TASOR2: variants seen among roughly 807,000 people sequenced by gnomAD.
TASOR2 encodes the protein transcription activation suppressor family member 2, also known as protein TASOR 2.
In TASOR2, 84 loss-of-function variants were observed where a neutral mutation model predicts 199.5. The observed-to-expected ratio is 0.42, with a 90% confidence interval of 0.35 to 0.50. The LOEUF is 0.50. TASOR2 is among the 20% of genes least tolerant of loss of function. TASOR2 has a pLI of 0.02. For synonymous variants in TASOR2, 1,103 were observed against 1,046.6 expected (o/e 1.05, Z -1.04); for missense variants, 2,796 against 2,835.9 (o/e 0.99, Z 0.32).
exon 15 of TASOR2, chr10:5,746,996 G>T (rs1163252554): frequency 3.1e-6 from 5 of 1,613,978 alleles, no homozygotes; most frequent in Middle Eastern, 1.6e-4. Flanking sequence ...AGTCTCCTCG[G>T]CCTATCTTCA....
chr10:5,706,236 A>G lies in TASOR2; in HGVS notation c.-287-6587A>G, dbSNP rs1838586225. Among the ~76,000 whole-genome samples, 1 of 152,106 alleles carries G rather than the reference A, an allele frequency of 6.6e-6. No homozygotes were observed. The highest frequency in any genetic ancestry group is 1.5e-5 in the Non-Finnish European group (1 of 68,016). On this transcript the variant is annotated intron_variant, in intron 1 of 20. Transcript: ENST00000328090. The surrounding 1 kb of genome is among the most constrained non-coding windows in gnomAD (Gnocchi z 4.8). ...TTTGTATCATTACCACCTTGTCTTGACTACTTTAGCTTTGTAGTAATTCTC... is the reference window on the plus strand; with the variant it reads ...TTTGTATCATTACCACCTTGTCTTGGCTACTTTAGCTTTGTAGTAATTCTC...
intron 18 of TASOR2, among the ~76,000 whole-genome samples, chr10:5,760,347 T>C (rs1839622159): frequency 6.6e-6 from 1 of 152,210 alleles, no homozygotes; most frequent in African/African-American, 2.4e-5. Flanking sequence ...GGCGCTGCAG[T>C]ATGCTCTTCA....
rs1286153554 is a variant in TASOR2, at chr10:5,746,333, C to T, written c.2912C>T (p.Thr971Ile). The T allele has an allele frequency of 1.9e-6, 3 of 1,614,110 alleles. No individual in the cohort carries two copies. In the African/African-American group the frequency reaches 4.0e-5, roughly 22 times the overall value. ...ACAAGAGTGGCTTCTTACAGTGGCA[C>T]TGTTACTCAAGCCACATTCACCAGG... is the stretch of plus-strand genomic sequence containing the variant. Residue 971 changes from threonine to isoleucine, a missense_variant, in exon 15 of 21, where the codon ACT (threonine) becomes ATT (isoleucine). By Grantham distance (89) the Thr-to-Ile change is moderately conservative. Coordinates refer to ENST00000328090, the Ensembl canonical transcript of TASOR2.
At chr10:5,721,040 C>T (rs1202226944) in intron 6 of TASOR2, 70 bp downstream of exon 7, 12 of 1,210,248 alleles carry the variant, frequency 9.9e-6, no homozygotes, top group Non-Finnish European at 1.4e-5. Flanking sequence ...TTCCTCACCT[C>T]ATTTCAAGGG....
intron 8 of TASOR2, among the ~76,000 whole-genome samples, chr10:5,725,213 CATG>C (rs771827037): frequency 2.3e-4 from 35 of 151,880 alleles, no homozygotes; most frequent in Non-Finnish European, 4.1e-4. Flanking sequence ...TCCTGACTAA[CATG>C]GTGAAACCCT....
chr10:5,732,216 TTG>T (rs1257239261), intron 11 of TASOR2, among the ~76,000 whole-genome samples: 2 of 152,348 alleles, frequency 1.3e-5, no homozygotes, highest in East Asian at 3.9e-4. Context: ...TCATCTCAAA[TTG>T]TGTTTTACTC....
intron 14 of TASOR2, among the ~76,000 whole-genome samples, chr10:5,743,075 A>G (rs1218926054): frequency 6.6e-6 from 1 of 152,238 alleles, no homozygotes; most frequent in Non-Finnish European, 1.5e-5. Context: ...CTGACATTCA[A>G]CCAGGCCAGA....
chr10:5,741,108 CT>C (rs1836358626), intron 13 of TASOR2, among the ~76,000 whole-genome samples: 2 of 152,206 alleles, frequency 1.3e-5, no homozygotes, highest in South Asian at 4.1e-4. Context: ...GTGTGTGCTG[CT>C]CATCTAGAGA....
chr10:5,749,074 T>G (rs1295636933), exon 15 of TASOR2: 1 of 1,614,092 alleles, frequency 6.2e-7, no homozygotes, highest in Admixed American at 1.7e-5. Flanking sequence ...CTGCTCTAGC[T>G]GGGTTCCAGG....
intron 1 of TASOR2, among the ~76,000 whole-genome samples, chr10:5,694,356 T>A (rs1836880248): frequency 6.6e-6 from 1 of 152,216 alleles, no homozygotes; most frequent in Non-Finnish European, 1.5e-5. Context: ...AATTGATTAA[T>A]TTGTTAAGTA....
Position 5,730,971 on chromosome 10 carries a change from G to A in TASOR2, c.972G>A (p.Lys324=). Residue 324 remains lysine, a synonymous_variant, in exon 11 of 21, where the codon AAG becomes AAA. Coordinates refer to ENST00000328090, the Ensembl canonical transcript of TASOR2. The surrounding 1 kb of genome is among the most constrained non-coding windows in gnomAD (Gnocchi z 4.1). ...TGAGAAAAGAAACTGAAACAAAAAA[G>A]GATTCTGAAGAAATGTTGAAAGCAA... is the stretch of plus-strand genomic sequence containing the variant. 2 of 1,614,030 alleles carry A rather than the reference G, an allele frequency of 1.2e-6. No individual in the cohort carries two copies. The highest frequency in any genetic ancestry group is 2.2e-5 in the South Asian group (2 of 91,080).
intron 1 of TASOR2, among the ~76,000 whole-genome samples, chr10:5,695,562 A>G (rs1837052542): frequency 6.6e-6 from 1 of 152,226 alleles, no homozygotes. Context: ...AGGTAGCTGC[A>G]TCATTTTTTA....
Position 5,710,804 on chromosome 10 carries a change from C to G in TASOR2, c.-287-2019C>G, listed in dbSNP as rs1272838418. Among the ~76,000 whole-genome samples, 36 of 151,986 alleles carry G rather than the reference C, an allele frequency of 2.4e-4. No homozygotes were observed. Among genetic ancestry groups the G allele is most frequent in the Non-Finnish European group, 1.5e-5 (1 of 67,918 alleles). ...GTCTATAGGTAATTCAATTTTGAAA[C>G]TTTCTTGCTTTTTTATAAATATCAA... On this transcript the variant is annotated intron_variant, in intron 1 of 20. Transcript: ENST00000328090. This position sits in a 1 kb window ranked among gnomAD's most constrained non-coding sequence, Gnocchi z 4.6.
In TASOR2 at chr10:5,757,500, G is replaced by C. The variant is rs79101767; in HGVS notation, c.6733-20G>C. 9,416 of 1,582,750 alleles carry C rather than the reference G, an allele frequency of 5.9e-3. 45 individuals are homozygous for C. The highest frequency in any genetic ancestry group is 0.021 in the East Asian group (934 of 44,268). Reference sequence around the variant, plus strand: ...GCCCAGTGAGCCTCTCTTCACCGGGGTCCTTTTTGTGTCATGCAGATTCCT... The same window carrying C: ...GCCCAGTGAGCCTCTCTTCACCGGGCTCCTTTTTGTGTCATGCAGATTCCT... On this transcript the variant is annotated intron_variant, in intron 16 of 20. Coordinates refer to ENST00000328090, the Ensembl canonical transcript of TASOR2.
At chr10:5,753,313 G>A (rs1838335906) in intron 15 of TASOR2, among the ~76,000 whole-genome samples, 1 of 152,106 alleles carries the variant, frequency 6.6e-6, no homozygotes, top group Non-Finnish European at 1.5e-5. Flanking sequence ...TAGCCTAATT[G>A]TATTCTTTTT....
At chr10:5,729,903 G>A (rs1834573815) in intron 10 of TASOR2, among the ~76,000 whole-genome samples, 1 of 152,106 alleles carries the variant, frequency 6.6e-6, no homozygotes, top group African/African-American at 2.4e-5. Flanking sequence ...AGGAGAGGAG[G>A]TGAAACATAG....
At chr10:5,729,941 C>A (rs1834581863) in intron 10 of TASOR2, among the ~76,000 whole-genome samples, 1 of 151,892 alleles carries the variant, frequency 6.6e-6, no homozygotes, top group Non-Finnish European at 1.5e-5. Context: ...GTTTTTATTT[C>A]ATTTGCTAGA....
intron 11 of TASOR2, 72 bp from the exon 13 acceptor site, chr10:5,735,232 C>CA: frequency 6.5e-7 from 1 of 1,532,452 alleles, no homozygotes; most frequent in Non-Finnish European, 8.7e-7. Context: ...CAAAACAAAA[C>CA]AAAAAATGGA....
rs1047234191 is a variant in TASOR2, at chr10:5,752,399, G to A, written c.6606+2372G>A. 1.1e-4 allele frequency among the ~76,000 whole-genome samples: 17 copies of A among 152,170 alleles called. No individual in the cohort carries two copies. The highest frequency in any genetic ancestry group is 8.5e-4 in the Admixed American group (13 of 15,286). On this transcript the variant is annotated intron_variant, in intron 15 of 20. Transcript: ENST00000328090. This position sits in a 1 kb window ranked among gnomAD's most constrained non-coding sequence, Gnocchi z 4.4. ...CAGAGCATAGGGGCCTGCAGGCCGC[G>A]TGCAAAACTGGACGTGCCGTGTGTC... is the stretch of plus-strand genomic sequence containing the variant.
Sources: allele counts gnomAD v4.1 joint callset (sites outside exome capture counted in the v4.1 genomes callset), GRCh38; gene constraint gnomAD v4.1.1; non-coding constraint Gnocchi (gnomAD v3.1); transcripts MANE v1.5; gene names NCBI Gene and HGNC (gene_info 2026-07-23, HGNC 2026-07-21).